Variants in TMEM273 observed in about 807,000 individuals in gnomAD.
TMEM273 encodes transmembrane protein 273.
TMEM273 carries 19 observed loss-of-function variants against 17.9 expected under a neutral mutation model. The observed-to-expected ratio is 1.06, with a 90% CI of 0.74 to 1.55. The LOEUF (loss-of-function observed/expected upper bound fraction) is 1.55. Among genes scored for constraint, TMEM273 ranks in the 40% most tolerant of loss-of-function variants. TMEM273 has a pLI of 0.00. For missense variants in TMEM273, 194 were observed against 155.6 expected (o/e 1.25, Z -1.31); for synonymous variants, 66 against 62.0 (o/e 1.07, Z -0.31).
intron 1 of TMEM273, among the ~76,000 whole-genome samples, chr10:49,175,501 G>A (rs1232918917): frequency 6.6e-6 from 1 of 152,248 alleles, no homozygotes; most frequent in Admixed American, 6.5e-5. Context: ...AACAATAACA[G>A]CGGGTGACCA....
intron 3 of TMEM273, 45 bp downstream of exon 3, chr10:49,166,824 C>A (rs974538895): frequency 1.1e-5 from 17 of 1,610,162 alleles, no homozygotes; most frequent in Non-Finnish European, 1.4e-5. Context: ...CCCTCGGTGC[C>A]TCGCTGGGTG....
At chr10:49,160,293 G>A (rs184336419) in intron 6 of TMEM273, 1 of 152,076 alleles carries the variant, frequency 6.6e-6, no homozygotes, top group African/African-American at 2.4e-5. Flanking sequence ...AGCAAACGAA[G>A]CATCACCAAC....
chr10:49,155,886 T>C lies in TMEM273; in HGVS notation c.*6A>G. The C allele has an allele frequency of 6.2e-7, 1 of 1,614,204 alleles. No individual in the cohort carries two copies. Among genetic ancestry groups the C allele is most frequent in the Non-Finnish European group, 8.5e-7 (1 of 1,180,032 alleles). ...ACCCCTCTTCACGTCACTGCTCACC[T>C]ACAGCTCAATCACCTGTGCATCTCT... is the stretch of plus-strand genomic sequence containing the variant. On this transcript the variant is annotated 3_prime_UTR_variant, in exon 7 of 7. Coordinates refer to ENST00000374153, the MANE Select transcript of TMEM273 (RefSeq NM_001288740.3).
At chr10:49,182,264 G>A (rs1454927815) in intron 1 of TMEM273, among the ~76,000 whole-genome samples, 2 of 152,208 alleles carry the variant, frequency 1.3e-5, no homozygotes, top group Non-Finnish European at 2.9e-5. Context: ...ACTTGGAACA[G>A]GGGAACAGCT....
chr10:49,166,601 G>C (rs900252240), intron 3 of TMEM273: 1 of 478,078 alleles, frequency 2.1e-6, no homozygotes, highest in Non-Finnish European at 3.8e-6. Context: ...AGTACAGAGG[G>C]AAAGAGACAC....
chr10:49,156,340 G>A, intron 6 of TMEM273: 3 of 1,225,510 alleles, frequency 2.4e-6, no homozygotes, highest in East Asian at 1.1e-4. Flanking sequence ...AGCTGTTACA[G>A]AGGGTGAGAC....
At chr10:49,170,130 G>A (rs958523491) in intron 1 of TMEM273, among the ~76,000 whole-genome samples, 68 of 152,264 alleles carry the variant, frequency 4.5e-4, no homozygotes, top group African/African-American at 1.4e-3. Flanking sequence ...GAGGAAGGAA[G>A]GACTCAGGTT....
At chr10:49,188,186 A>T in intron 1 of TMEM273, 108 bp downstream of exon 1, 1 of 1,229,524 alleles carries the variant, frequency 8.1e-7, no homozygotes, top group Non-Finnish European at 1.2e-6. Flanking sequence ...ATCTGTGTAA[A>T]GGGACAGAGT....
intron 1 of TMEM273, among the ~76,000 whole-genome samples, chr10:49,174,797 G>C (rs552176306): frequency 6.6e-6 from 1 of 152,268 alleles, no homozygotes; most frequent in East Asian, 1.9e-4. Context: ...GACAATATGC[G>C]TGGTGTCAGA....
At chr10:49,174,112 C>T (rs1174245374) in intron 1 of TMEM273, among the ~76,000 whole-genome samples, 8 of 152,218 alleles carry the variant, frequency 5.3e-5, no homozygotes, top group Non-Finnish European at 5.9e-5. Flanking sequence ...AAAAGACTCA[C>T]CAGAGACAAC....
At position 49,155,586 on chromosome 10, in the gene TMEM273, C is replaced by T. The variant is rs1348211851; in HGVS notation, c.*306G>A. 6.2e-6 allele frequency: 3 copies of T among 486,506 alleles called. 1 individual carries two copies. Among genetic ancestry groups the T allele is most frequent in the Non-Finnish European group, 1.1e-5 (3 of 271,232 alleles). The allele number at this position is 486,506 out of a possible 1,614,324, so 30.1% of individuals were successfully genotyped here. A position where few individuals can be genotyped will look rare whatever the true frequency, so the allele number is the denominator to read the frequency against. ...GGTTCCACGGACATGGACACCATGG[C>T]CTCATGGAAGCATGAACAGCTCCAA... On this transcript the variant is annotated 3_prime_UTR_variant, in exon 7 of 7. Coordinates refer to ENST00000374153, the MANE Select transcript of TMEM273 (RefSeq NM_001288740.3).
chr10:49,174,771 C>T (rs1846839437), intron 1 of TMEM273, among the ~76,000 whole-genome samples: 1 of 152,138 alleles, frequency 6.6e-6, no homozygotes. Context: ...CATGGACCGC[C>T]CCCCATCCAC....
intron 1 of TMEM273, among the ~76,000 whole-genome samples, chr10:49,180,328 T>C (rs1275736187): frequency 6.6e-6 from 1 of 152,166 alleles, no homozygotes; most frequent in Non-Finnish European, 1.5e-5. Flanking sequence ...ACGTTCCACT[T>C]CTGGCAATAA....
intron 4 of TMEM273, among the ~76,000 whole-genome samples, chr10:49,165,521 C>G (rs1846119557): frequency 6.6e-6 from 1 of 152,164 alleles, no homozygotes; most frequent in East Asian, 1.9e-4. Context: ...GGATCTAATC[C>G]AGGCTATGCA....
chr10:49,167,049 C>G (rs1321835263), intron 2 of TMEM273, 40 bp from the exon 3 acceptor site: 1 of 1,605,994 alleles, frequency 6.2e-7, no homozygotes, highest in East Asian at 2.2e-5. Context: ...GTTTCAGTCA[C>G]CTGCAGCTCC....
In TMEM273 at chr10:49,186,110, G is replaced by GAAGAAGAAGAAGAAGAAGAAGAAGAA. The variant is rs59346438; in HGVS notation, c.43+2183_43+2184insTTCTTCTTCTTCTTCTTCTTCTTCTT. On this transcript the variant is annotated intron_variant, in intron 1 of 6. Coordinates refer to ENST00000374153, the MANE Select transcript of TMEM273 (RefSeq NM_001288740.3). ...AAGAAGAAGAAGAAGAAGAAGAAGAGGAAGAAGAAGAAAAAGAGGAAGAAG... is the reference window on the plus strand; with the variant it reads ...AAGAAGAAGAAGAAGAAGAAGAAGAGAAGAAGAAGAAGAAGAAGAAGAAGAAGAAGAAGAAGAAAAAGAGGAAGAAG... 7.9e-3 allele frequency among the ~76,000 whole-genome samples: 653 copies of GAAGAAGAAGAAGAAGAAGAAGAAGAA among 82,994 alleles called. 32 individuals are homozygous for GAAGAAGAAGAAGAAGAAGAAGAAGAA. Among genetic ancestry groups the GAAGAAGAAGAAGAAGAAGAAGAAGAA allele is most frequent in the African/African-American group, 0.015 (345 of 23,306 alleles). 54.4% of individuals were successfully genotyped at this position (82,994 alleles called of 152,430 possible). A position where few individuals can be genotyped will look rare whatever the true frequency, so the allele number is the denominator to read the frequency against.
At chr10:49,167,815 C>A in intron 2 of TMEM273, 94 bp downstream of exon 2, 1 of 1,516,344 alleles carries the variant, frequency 6.6e-7, no homozygotes, top group Non-Finnish European at 9.1e-7. Flanking sequence ...CAGCAGGGAA[C>A]CAATTCCAGC....
At chr10:49,186,363 G>A (rs531169229) in intron 1 of TMEM273, among the ~76,000 whole-genome samples, 3 of 152,308 alleles carry the variant, frequency 2.0e-5, no homozygotes, top group Non-Finnish European at 2.9e-5. Context: ...AATACCCTGT[G>A]AAATATTTTG....
At chr10:49,166,053 G>T (rs200624169) in intron 3 of TMEM273, among the ~76,000 whole-genome samples, 1 of 152,180 alleles carries the variant, frequency 6.6e-6, no homozygotes, top group East Asian at 1.9e-4. Flanking sequence ...CCAGCATCTC[G>T]GAAGCCTCCT....
Sources: gnomAD v4.1 joint callset for allele counts (sites outside exome capture counted in the v4.1 genomes callset) on GRCh38, gnomAD v4.1.1 for gene constraint, MANE v1.5 for transcripts, NCBI Gene and HGNC (gene_info 2026-07-23, HGNC 2026-07-21) for gene names.